The following TMEM200C variants were observed in gnomAD, a reference collection of about 807,000 sequenced individuals.
TMEM200C encodes transmembrane protein 200C.
For missense variants in TMEM200C, 966 were observed against 699.9 expected, an observed-to-expected ratio of 1.38 and a Z score of -4.29; for synonymous variants, 462 against 324.7, an observed-to-expected ratio of 1.42 and a Z score of -4.55.
chr18:5,884,310 C>T (rs1352080259), exon 3 of TMEM200C: 2 of 152,134 alleles, frequency 1.3e-5, no homozygotes, highest in Non-Finnish European at 2.9e-5. Context: ...TTTGCTCATG[C>T]TGGCCCCACT....
exon 3 of TMEM200C, chr18:5,887,463 T>C (rs1194054201): frequency 6.6e-6 from 1 of 152,172 alleles, no homozygotes; most frequent in East Asian, 1.9e-4. Flanking sequence ...ATAAAGAATA[T>C]ATAAAGTATT....
chr18:5,882,704 T>C (rs1429258228), exon 3 of TMEM200C: 1 of 152,158 alleles, frequency 6.6e-6, no homozygotes, highest in East Asian at 1.9e-4. Flanking sequence ...AAGACTATTA[T>C]TATTATTACT....
At position 5,891,500 on chromosome 18, in the gene TMEM200C, G is replaced by A; in HGVS notation, c.564C>T (p.His188=). Residue 188 remains histidine (H), a synonymous_variant, in exon 3 of 3, where the codon CAC becomes CAT. Coordinates refer to ENST00000581347, the Ensembl canonical transcript of TMEM200C. The surrounding 1 kb of genome is among the most constrained non-coding windows in gnomAD (Gnocchi z 4.7). ...TTTTGGTCTTCTTGTCCCGGTTCTC[G>A]TGGAGGACCGCGTTTGCGCAGATGA... 5.6e-6 allele frequency: 9 copies of A among 1,608,600 alleles called. No individual in the cohort carries two copies. Among genetic ancestry groups the A allele is most frequent in the Non-Finnish European group, 7.6e-6 (9 of 1,177,714 alleles).
exon 3 of TMEM200C, chr18:5,890,105 A>C (rs903512717): frequency 8.6e-7 from 1 of 1,167,680 alleles, no homozygotes; most frequent in African/African-American, 1.5e-5. Flanking sequence ...TCCTCGGATC[A>C]GTCCACAAAA....
chr18:5,892,120 C>T (rs1027393028), exon 3 of TMEM200C: 12 of 1,491,318 alleles, frequency 8.0e-6, no homozygotes, highest in Non-Finnish European at 1.0e-5. Flanking sequence ...ACAGGGAGGG[C>T]GCCAACTGCC....
At chr18:5,883,594 T>C (rs924955360) in exon 3 of TMEM200C, 1 of 152,158 alleles carries the variant, frequency 6.6e-6, no homozygotes, top group East Asian at 1.9e-4. Flanking sequence ...AAAACGGATG[T>C]TTATTATTAA....
At chr18:5,889,838 TAA>T in exon 3 of TMEM200C, 1 of 160,642 alleles carries the variant, frequency 6.2e-6, no homozygotes, top group Non-Finnish European at 1.3e-5. Flanking sequence ...AATGAGGGAT[TAA>T]AAAAAAAAGT....
At position 5,890,830 on chromosome 18, in the gene TMEM200C, C is replaced by T. The variant is rs1208946648; in HGVS notation, c.1234G>A (p.Glu412Lys). 5 of 676,320 alleles carry T rather than the reference C, an allele frequency of 7.4e-6. No homozygotes were observed. The Admixed American group carries it at 8.4e-5, about 11-fold the overall frequency. The allele number at this position is 676,320 out of a possible 1,614,324, so 41.9% of individuals were successfully genotyped here. A position where few individuals can be genotyped will look rare whatever the true frequency, so the allele number is the denominator to read the frequency against. ...AGGTCGAGCTCGCCCCTCGGGATCT[C>T]CTGGGAGCCGCGTTCCCCCGGAGGC... The change falls in exon 3 of 3, where the codon GAG becomes AAG. Residue 412 changes from glutamate to lysine, a missense_variant. Transcript: ENST00000581347.
At chr18:5,886,588 T>A (rs1204969052) in exon 3 of TMEM200C, 3 of 152,198 alleles carry the variant, frequency 2.0e-5, no homozygotes, top group African/African-American at 7.2e-5. Flanking sequence ...GTAGTAAATT[T>A]AGCCTACTAA....
exon 3 of TMEM200C, chr18:5,887,707 T>C (rs2095166429): frequency 6.6e-6 from 1 of 152,226 alleles, no homozygotes; most frequent in Non-Finnish European, 1.5e-5. Flanking sequence ...GCTCCTACAA[T>C]AGTACTGAAC....
chr18:5,882,350 C>G (rs1234087669), exon 3 of TMEM200C: 4 of 152,072 alleles, frequency 2.6e-5, no homozygotes, highest in Non-Finnish European at 5.9e-5. Context: ...TTAATTGCCA[C>G]TGACTTAATG....
chr18:5,883,296 A>C (rs1485966106), exon 3 of TMEM200C: 1 of 104,652 alleles, frequency 9.6e-6, no homozygotes, highest in Non-Finnish European at 2.3e-5. Flanking sequence ...TTGTTAATAA[A>C]ATTATTTTTT....
exon 3 of TMEM200C, chr18:5,890,500 A>G (rs1184313648): frequency 1.3e-6 from 2 of 1,541,018 alleles, no homozygotes; most frequent in Non-Finnish European, 1.8e-6. Flanking sequence ...GAGCTCCCGG[A>G]GTCCCGCCTG....
At position 5,891,506 on chromosome 18, in the gene TMEM200C, G is replaced by A. The variant is rs1339236546; in HGVS notation, c.558C>T (p.Val186=). The change falls in exon 3 of 3, where the codon GTC becomes GTT. Residue 186 remains valine (V), a synonymous_variant. Transcript: ENST00000581347. The surrounding 1 kb of genome is among the most constrained non-coding windows in gnomAD (Gnocchi z 4.7). ...TCTTCTTGTCCCGGTTCTCGTGGAG[G>A]ACCGCGTTTGCGCAGATGAAGAGGA... 1 of 1,609,946 alleles carries A rather than the reference G, an allele frequency of 6.2e-7. No individual in the cohort carries two copies. The highest frequency in any genetic ancestry group is 8.5e-7 in the Non-Finnish European group (1 of 1,178,302).
At position 5,891,685 on chromosome 18, in the gene TMEM200C, A is replaced by T; in HGVS notation, c.379T>A (p.Ser127Thr). ...GGCGTGCTCCTGGGCGCGCCCGCGG[A>T]ACTGGAGTTGACACCCCCTGGAGCC... Residue 127 changes from serine (S) to threonine (T), a missense_variant, in exon 3 of 3, where the codon TCC becomes ACC. Ser to Thr is a moderately conservative substitution (Grantham distance 58, BLOSUM62 1). Transcript: ENST00000581347. The surrounding 1 kb of genome is among the most constrained non-coding windows in gnomAD (Gnocchi z 4.7). 6.2e-7 allele frequency: 1 copy of T among 1,613,562 alleles called. No homozygotes were observed. Among genetic ancestry groups the T allele is most frequent in the Non-Finnish European group, 8.5e-7 (1 of 1,179,828 alleles).
intron 1 of TMEM200C, chr18:5,895,845 C>T (rs996083710): frequency 2.0e-5 from 3 of 151,764 alleles, no homozygotes; most frequent in Non-Finnish European, 4.4e-5. Context: ...TTCTTCTTTC[C>T]TCCAACTACC....
At chr18:5,888,646 A>C (rs1417151051) in exon 3 of TMEM200C, 1 of 152,226 alleles carries the variant, frequency 6.6e-6, no homozygotes, top group Non-Finnish European at 1.5e-5. Flanking sequence ...AGGAAGGTCC[A>C]TTCTTCTACA....
At chr18:5,890,203 T>C (rs752961900) in exon 3 of TMEM200C, 15 of 1,546,740 alleles carry the variant, frequency 9.7e-6, no homozygotes, top group Non-Finnish European at 1.3e-5. Flanking sequence ...TTTCTCTAAA[T>C]GCCTGTGCTT....
chr18:5,886,575 T>A (rs1303044234), exon 3 of TMEM200C: 1 of 152,216 alleles, frequency 6.6e-6, no homozygotes, highest in African/African-American at 2.4e-5. Flanking sequence ...CCCTAACTAC[T>A]GAGTAGTAAA....
Sources: gnomAD v4.1 joint callset for allele counts on GRCh38, gnomAD v4.1.1 for gene constraint, Gnocchi (gnomAD v3.1) non-coding constraint, MANE v1.5 for transcripts, NCBI Gene and HGNC (gene_info 2026-07-23, HGNC 2026-07-21) for gene names.